Variants in EPS15L1 observed in about 807,000 individuals in gnomAD.
EPS15L1 encodes the protein epidermal growth factor receptor substrate 15-like 1.
In EPS15L1, 43 loss-of-function variants were observed where a neutral mutation model predicts 117.1. The ratio of observed to expected loss-of-function variants is 0.37; its 90% confidence interval spans 0.29 to 0.47. The LOEUF is 0.47. Among genes scored for constraint, EPS15L1 ranks in the 20% least tolerant of loss-of-function variants. EPS15L1 has a pLI of 0.99. For synonymous variants in EPS15L1, 459 were observed against 470.5 expected, an observed-to-expected ratio of 0.98 and a Z score of 0.32; for missense variants, 981 against 1,164.0, an observed-to-expected ratio of 0.84 and a Z score of 2.29.
intron 8 of EPS15L1, among the ~76,000 whole-genome samples, chr19:16,428,433 A>G (rs1960807251): frequency 1.5e-5 from 2 of 131,414 alleles, no homozygotes; most frequent in Non-Finnish European, 3.2e-5. Context: ...GGAAGGAAGG[A>G]AGGAAGGAAG....
upstream of EPS15L1, chr19:16,471,978 G>A (rs1210497633): frequency 4.7e-6 from 6 of 1,266,566 alleles, no homozygotes; most frequent in South Asian, 5.4e-5. This position sits in a 1 kb window ranked among gnomAD's most constrained non-coding sequence, Gnocchi z 4.8. Flanking sequence ...AGCGCCGGGG[G>A]AACGGGGGCG....
At chr19:16,399,792 G>GAT (rs1381478554) in intron 16 of EPS15L1, among the ~76,000 whole-genome samples, 1 of 151,956 alleles carries the variant, frequency 6.6e-6, no homozygotes, top group African/African-American at 2.4e-5. Context: ...AAAGGACTGG[G>GAT]ATTACAGGTG....
In EPS15L1 at chr19:16,441,906, T is replaced by A; in HGVS notation, c.151A>T (p.Ile51Phe). ...LFLKKSGLSD[I>F]ILGKIWDLAD... Reference sequence around the variant, plus strand: ...TCTTCACATACCTTCCCAAGGATAATGTCCGAGAGGCCAGACTTCTTTAGA... The same window carrying A: ...TCTTCACATACCTTCCCAAGGATAAAGTCCGAGAGGCCAGACTTCTTTAGA... The change falls in exon 3 of 24, where the codon ATT becomes TTT. Residue 51 changes from isoleucine to phenylalanine, a missense_variant. By Grantham distance (21) the Ile-to-Phe change is conservative. Transcript: ENST00000455140. 6.2e-7 allele frequency: 1 copy of A among 1,613,474 alleles called. No individual in the cohort carries two copies. Among genetic ancestry groups the A allele is most frequent in the Non-Finnish European group, 8.5e-7 (1 of 1,179,598 alleles).
intron 16 of EPS15L1, chr19:16,402,094 C>G: frequency 1.5e-6 from 2 of 1,313,780 alleles, no homozygotes; most frequent in Non-Finnish European, 1.9e-6. Context: ...CTGAAAGGAT[C>G]CAGGCCTATC....
At chr19:16,369,675 A>AGTG (rs1220296158) in intron 22 of EPS15L1, among the ~76,000 whole-genome samples, 4 of 72,608 alleles carry the variant, frequency 5.5e-5, no homozygotes, top group African/African-American at 2.8e-4. Context: ...GAAGAAAAAA[A>AGTG]AGTGTGTGTG....
intron 22 of EPS15L1, among the ~76,000 whole-genome samples, chr19:16,364,707 G>A (rs977146231): frequency 6.6e-6 from 1 of 152,206 alleles, no homozygotes; most frequent in Admixed American, 6.5e-5. Context: ...GCGGGCGGGG[G>A]TCAAGTGAGG....
intron 4 of EPS15L1, among the ~76,000 whole-genome samples, chr19:16,440,450 C>T (rs1386275036): frequency 4.6e-5 from 7 of 151,966 alleles, no homozygotes; most frequent in Non-Finnish European, 8.8e-5. Flanking sequence ...TAAAAAATAA[C>T]ACCAATGTTA....
intron 4 of EPS15L1, among the ~76,000 whole-genome samples, chr19:16,440,368 G>A (rs1363241873): frequency 6.6e-6 from 1 of 152,036 alleles, no homozygotes; most frequent in East Asian, 1.9e-4. Flanking sequence ...GGGAGGTGGA[G>A]GTTGCAGTGA....
chr19:16,434,458 A>G lies in EPS15L1; in HGVS notation c.405T>C (p.Phe135=). 6.2e-7 allele frequency: 1 copy of G among 1,614,120 alleles called. No homozygotes were observed. Among genetic ancestry groups the G allele is most frequent in the Non-Finnish European group, 8.5e-7 (1 of 1,180,024 alleles). The change falls in exon 7 of 24, where the codon TTT becomes TTC. Residue 135 remains phenylalanine (F), a synonymous_variant. Transcript: ENST00000455140. The part of the protein sequence containing the change: ...VEEKAKFDGI[F]ESLLPINGLL... ...AACCATTGATGGGCAAGAGGCTTTC[A>G]AAAATCCCATCAAATTTGGCCTTTT...
intron 1 of EPS15L1, among the ~76,000 whole-genome samples, chr19:16,457,648 A>G (rs535273942): frequency 1.3e-5 from 2 of 152,136 alleles, no homozygotes; most frequent in East Asian, 3.9e-4. Context: ...CCCGGGCAGG[A>G]GGGGAACAGA....
At chr19:16,386,081 G>T in intron 20 of EPS15L1, 90 bp downstream of exon 20, 1 of 1,012,386 alleles carries the variant, frequency 9.9e-7, no homozygotes, top group Non-Finnish European at 1.5e-6. Context: ...CAGAGGCCAC[G>T]CTGGCTTTGG....
chr19:16,430,536 C>G (rs986506090), intron 7 of EPS15L1, among the ~76,000 whole-genome samples: 7 of 152,242 alleles, frequency 4.6e-5, no homozygotes, highest in African/African-American at 1.7e-4. Context: ...TGTGTCTTCA[C>G]GCAGAGCACT....
Position 16,403,726 on chromosome 19 carries a change from G to C in EPS15L1, c.1626+7C>G, listed in dbSNP as rs375815375. ...GCATGTGGCAGGGACCCGACTCCGT[G>C]AAGTACCTGGTTGATTTCGTCTTGC... is the stretch of plus-strand genomic sequence containing the variant. On this transcript the variant is annotated splice_region_variant and intron_variant, in intron 15 of 23. Coordinates refer to ENST00000455140, the MANE Select transcript of EPS15L1 (RefSeq NM_001258374.3). 1.2e-6 allele frequency: 2 copies of C among 1,610,878 alleles called. No individual in the cohort carries two copies. The highest frequency in any genetic ancestry group is 2.7e-5 in the African/African-American group (2 of 74,902).
In EPS15L1 at chr19:16,393,453, G is replaced by T. The variant is rs534051810; in HGVS notation, c.1966+498C>A. Among the ~76,000 whole-genome samples the T allele has an allele frequency of 1.7e-4, 26 of 151,944 alleles. No homozygotes were observed. In the South Asian group the frequency reaches 5.4e-3, roughly 32 times the overall value. ...ACCTGAGGTCAAGAGTGTGAGACGA[G>T]CCTGGCTAACACGGTGAAACCCCGT... is the stretch of plus-strand genomic sequence containing the variant. On this transcript the variant is annotated intron_variant, in intron 18 of 23. Transcript: ENST00000455140.
intron 21 of EPS15L1, among the ~76,000 whole-genome samples, chr19:16,379,978 C>G (rs1184138690): frequency 6.6e-6 from 1 of 151,964 alleles, no homozygotes; most frequent in East Asian, 1.9e-4. Context: ...GTCTGAGGCT[C>G]TAGCTTCCAG....
chr19:16,377,041 G>T, intron 22 of EPS15L1, 81 bp downstream of exon 22: 1 of 1,489,948 alleles, frequency 6.7e-7, no homozygotes, highest in Non-Finnish European at 9.0e-7. Flanking sequence ...CTGCTACTCT[G>T]GGCTGGTGAG....
intron 8 of EPS15L1, among the ~76,000 whole-genome samples, chr19:16,428,200 C>T (rs1170909356): frequency 4.5e-5 from 5 of 111,922 alleles, no homozygotes; most frequent in Admixed American, 3.0e-4. Flanking sequence ...GACTCCGTAT[C>T]AAAAAAAAAA....
intron 12 of EPS15L1, among the ~76,000 whole-genome samples, chr19:16,416,612 A>G (rs1404406251): frequency 6.6e-6 from 1 of 151,114 alleles, no homozygotes; most frequent in Non-Finnish European, 1.5e-5. Flanking sequence ...ACTCCAGCCT[A>G]GGTGACAGAA....
chr19:16,401,147 C>T (rs1267180397), intron 16 of EPS15L1: 3 of 985,294 alleles, frequency 3.0e-6, no homozygotes, highest in Admixed American at 6.2e-5. Flanking sequence ...TGGAAACCAC[C>T]TCATTACGAG....
Sources: gnomAD v4.1 joint callset for allele counts (sites outside exome capture counted in the v4.1 genomes callset) on GRCh38, gnomAD v4.1.1 for gene constraint, Gnocchi (gnomAD v3.1) non-coding constraint, MANE v1.5 for transcripts, NCBI Gene and HGNC (gene_info 2026-07-23, HGNC 2026-07-21) for gene names.